The following ST3GAL3 variants were observed in gnomAD, a reference collection of about 807,000 sequenced individuals.
The protein encoded by ST3GAL3 is ST3 beta-galactoside alpha-2,3-sialyltransferase 3.
A neutral mutation model predicts 50.1 loss-of-function variants in ST3GAL3; 21 were observed. The observed-to-expected ratio is 0.42, with a 90% confidence interval of 0.30 to 0.60. The LOEUF is 0.60. Ranked by LOEUF, ST3GAL3 falls within the 20% of genes least tolerant of loss-of-function variation. The pLI is 0.19. For missense variants in ST3GAL3, 353 were observed against 489.4 expected (o/e 0.72, Z 2.63); for synonymous variants, 183 against 190.0 (o/e 0.96, Z 0.30).
intron 3 of ST3GAL3, among the ~76,000 whole-genome samples, chr1:43,806,031 G>T (rs1046889488): frequency 2.6e-4 from 39 of 152,270 alleles, no homozygotes; most frequent in Admixed American, 1.6e-3. Flanking sequence ...ACCGTGCCCG[G>T]CAAGGAATAC....
chr1:43,883,360 G>A lies in ST3GAL3; in HGVS notation c.303-11023G>A, dbSNP rs34614818. 2.9e-3 allele frequency among the ~76,000 whole-genome samples: 443 copies of A among 152,258 alleles called. 3 individuals carry two copies. The highest frequency in any genetic ancestry group is 0.011 in the South Asian group (53 of 4,822). ...CCAGTAGCAGTGGTGGGGATCAGCC[G>A]AACCAGGAGCATATGGAATGAAAAG... On this transcript the variant is annotated intron_variant, in intron 5 of 11. Transcript: ENST00000347631.
chr1:43,790,752 C>T (rs1273809353), intron 2 of ST3GAL3, among the ~76,000 whole-genome samples: 2 of 151,762 alleles, frequency 1.3e-5, no homozygotes, highest in African/African-American at 2.4e-5. Context: ...CTGCCTCAGC[C>T]TCCCAAGTAG....
intron 6 of ST3GAL3, among the ~76,000 whole-genome samples, chr1:43,895,305 G>A (rs937621238): frequency 6.6e-6 from 1 of 152,090 alleles, no homozygotes; most frequent in Non-Finnish European, 1.5e-5. Context: ...CCCTTCCATT[G>A]CCTTGGGGAC....
At chr1:43,742,239 C>T (rs1370931101) in intron 2 of ST3GAL3, among the ~76,000 whole-genome samples, 1 of 152,098 alleles carries the variant, frequency 6.6e-6, no homozygotes, top group African/African-American at 2.4e-5. Flanking sequence ...CCCTGGCGTC[C>T]AGCTGAGACC....
chr1:43,861,570 T>G (rs12141882), intron 5 of ST3GAL3, among the ~76,000 whole-genome samples: 1 of 152,242 alleles, frequency 6.6e-6, no homozygotes, highest in African/African-American at 2.4e-5. Context: ...TCATAACTTA[T>G]GCTGATGCTT....
chr1:43,851,793 G>A (rs527886826), intron 5 of ST3GAL3, among the ~76,000 whole-genome samples: 57 of 152,166 alleles, frequency 3.7e-4, no homozygotes, highest in Middle Eastern at 3.4e-3. Flanking sequence ...TCAGTCCCAC[G>A]CCGCCACCAG....
At chr1:43,911,878 C>T (rs186486643) in intron 9 of ST3GAL3, 3 of 152,058 alleles carry the variant, frequency 2.0e-5, no homozygotes, top group African/African-American at 4.8e-5. Flanking sequence ...TTCGTAGAGA[C>T]GGGTTTTCAC....
chr1:43,855,562 A>AT (rs1446602216), intron 5 of ST3GAL3, among the ~76,000 whole-genome samples: 3 of 151,274 alleles, frequency 2.0e-5, no homozygotes, highest in African/African-American at 7.3e-5. Context: ...GTGAGCCGAG[A>AT]TCACACCATT....
At chr1:43,835,050 G>A (rs1377419437) in intron 4 of ST3GAL3, among the ~76,000 whole-genome samples, 1 of 152,094 alleles carries the variant, frequency 6.6e-6, no homozygotes, top group Admixed American at 6.6e-5. Flanking sequence ...TGAGTGCAGT[G>A]GTAACACTCT....
intron 4 of ST3GAL3, among the ~76,000 whole-genome samples, chr1:43,833,920 C>T (rs72886895): frequency 0.076 from 11,579 of 152,218 alleles, 514 homozygotes; most frequent in East Asian, 0.14. Context: ...TCCAGTTTTG[C>T]GCTAGATCCT....
At chr1:43,875,897 CTCTTCTTCTTCTTCTTCTTCTTCT>C (rs66500354) in intron 5 of ST3GAL3, among the ~76,000 whole-genome samples, 12,197 of 133,832 alleles carry the variant, frequency 0.091, 628 homozygotes, top group Middle Eastern at 0.12. Flanking sequence ...TTTAGAATTT[CTCTTCTTCTTCTTCTTCTTCTTCT>C]TCTTCTTCTT....
chr1:43,921,987 T>A (rs1224515079), intron 11 of ST3GAL3: 1 of 379,902 alleles, frequency 2.6e-6, no homozygotes, highest in Non-Finnish European at 4.7e-6. Flanking sequence ...AACTTCTGAG[T>A]CAGTAATTTC....
At chr1:43,920,152 C>G in intron 9 of ST3GAL3, 1 of 541,026 alleles carries the variant, frequency 1.8e-6, no homozygotes, top group Non-Finnish European at 3.4e-6. Flanking sequence ...GCCTGCCCGA[C>G]GACTCCCTTC....
At chr1:43,820,966 G>C (rs1271882476) in intron 4 of ST3GAL3, among the ~76,000 whole-genome samples, 3 of 152,078 alleles carry the variant, frequency 2.0e-5, no homozygotes, top group Non-Finnish European at 4.4e-5. Context: ...AAACTAGCAG[G>C]GATATAGCCC....
At chr1:43,918,201 T>A (rs1428778630) in intron 9 of ST3GAL3, among the ~76,000 whole-genome samples, 2 of 148,032 alleles carry the variant, frequency 1.4e-5, no homozygotes, top group African/African-American at 5.0e-5. Context: ...CCACTGTAGC[T>A]GCCGCCTCCA....
intron 5 of ST3GAL3, among the ~76,000 whole-genome samples, chr1:43,883,583 T>C (rs1443531845): frequency 6.6e-6 from 1 of 152,250 alleles, no homozygotes; most frequent in African/African-American, 2.4e-5. Context: ...TGTGCAGTAT[T>C]TGCATCTCAG....
chr1:43,837,690 C>T (rs1462545157), intron 4 of ST3GAL3, among the ~76,000 whole-genome samples: 5 of 152,188 alleles, frequency 3.3e-5, no homozygotes, highest in Non-Finnish European at 2.9e-5. Context: ...TGAGTTTGAG[C>T]TGGGCACAGT....
intron 3 of ST3GAL3, among the ~76,000 whole-genome samples, chr1:43,804,718 G>T (rs1326091718): frequency 1.3e-5 from 2 of 152,196 alleles, no homozygotes; most frequent in African/African-American, 4.8e-5. Context: ...GCCAGAGGAG[G>T]CTCGCTGTGG....
chr1:43,900,059 C>G (rs1249169433), intron 9 of ST3GAL3, among the ~76,000 whole-genome samples: 1 of 152,092 alleles, frequency 6.6e-6, no homozygotes, highest in East Asian at 1.9e-4. Context: ...AAGGGAAGCT[C>G]TGTCTCTCAG....
Sources: allele counts gnomAD v4.1 joint callset (sites outside exome capture counted in the v4.1 genomes callset), GRCh38; gene constraint gnomAD v4.1.1; transcripts MANE v1.5; gene names NCBI Gene and HGNC (gene_info 2026-07-23, HGNC 2026-07-21).